Variants in TAFA1 observed in about 807,000 individuals in gnomAD.
The protein encoded by TAFA1 is chemokine-like protein TAFA-1.
A neutral mutation model predicts 18.5 loss-of-function variants in TAFA1; 4 were observed. The observed-to-expected ratio is 0.22, with a 90% CI of 0.11 to 0.49. The LOEUF (loss-of-function observed/expected upper bound fraction) is 0.49. Ranked by LOEUF, TAFA1 falls within the 20% of genes least tolerant of loss-of-function variation. The pLI is 0.98. For synonymous variants in TAFA1, 56 were observed against 55.2 expected (o/e 1.01, Z -0.06); for missense variants, 147 against 169.0 (o/e 0.87, Z 0.72).
intron 2 of TAFA1, among the ~76,000 whole-genome samples, chr3:68,193,020 A>G (rs534223549): frequency 2.0e-5 from 3 of 151,920 alleles, no homozygotes; most frequent in East Asian, 3.9e-4. Context: ...ATGGACAGAT[A>G]TGGTAGTCTC....
At chr3:68,228,938 G>A (rs960010770) in intron 2 of TAFA1, among the ~76,000 whole-genome samples, 1 of 152,182 alleles carries the variant, frequency 6.6e-6, no homozygotes, top group African/African-American at 2.4e-5. Context: ...GACACTGGGG[G>A]AGGGATTTAA....
chr3:68,030,418 C>T (rs1704907850), intron 2 of TAFA1, among the ~76,000 whole-genome samples: 2 of 152,098 alleles, frequency 1.3e-5, no homozygotes, highest in Non-Finnish European at 2.9e-5. Context: ...TCCCCTAACC[C>T]CCCACCAGCC....
chr3:68,094,572 C>A (rs149151720), intron 2 of TAFA1, among the ~76,000 whole-genome samples: 1 of 152,184 alleles, frequency 6.6e-6, no homozygotes, highest in East Asian at 1.9e-4. Context: ...CTGAAGAATG[C>A]TTAGAAAGTA....
At chr3:68,319,875 T>G (rs2068670462) in intron 2 of TAFA1, among the ~76,000 whole-genome samples, 1 of 152,226 alleles carries the variant, frequency 6.6e-6, no homozygotes, top group Non-Finnish European at 1.5e-5. Flanking sequence ...GCTATTTAAA[T>G]TCTTCATTAT....
intron 2 of TAFA1, among the ~76,000 whole-genome samples, chr3:68,264,547 C>T (rs971706): frequency 2.6e-5 from 4 of 151,930 alleles, no homozygotes; most frequent in Admixed American, 6.6e-5. Context: ...AGGTAGTGAC[C>T]GCAAGAACAC....
intron 3 of TAFA1, among the ~76,000 whole-genome samples, chr3:68,478,916 GTA>G (rs71112646): frequency 6.1e-5 from 9 of 146,682 alleles, no homozygotes; most frequent in Admixed American, 6.9e-5. Flanking sequence ...GTATATGTGT[GTA>G]TATATATATA....
intron 2 of TAFA1, among the ~76,000 whole-genome samples, chr3:68,051,559 A>G (rs984672780): frequency 2.6e-5 from 4 of 152,120 alleles, no homozygotes; most frequent in African/African-American, 9.7e-5. Context: ...AATACAGGAC[A>G]GTTCTGTACA....
chr3:68,473,401 A>G (rs932071250), intron 3 of TAFA1, among the ~76,000 whole-genome samples: 2 of 152,220 alleles, frequency 1.3e-5, no homozygotes, highest in African/African-American at 4.8e-5. Context: ...TAGAAAATGA[A>G]GAATATTTTG....
intron 2 of TAFA1, among the ~76,000 whole-genome samples, chr3:68,363,188 C>T (rs2106797988): frequency 6.6e-6 from 1 of 152,030 alleles, no homozygotes; most frequent in Non-Finnish European, 1.5e-5. Context: ...ATGCCTGGCA[C>T]ATGGTAGGTG....
At chr3:68,477,482 C>A (rs1038826774) in intron 3 of TAFA1, among the ~76,000 whole-genome samples, 4 of 152,158 alleles carry the variant, frequency 2.6e-5, no homozygotes, top group Admixed American at 6.5e-5. Flanking sequence ...TTAAGTGATT[C>A]TCTTGCCTCA....
chr3:68,103,347 G>C (rs1218298625), intron 2 of TAFA1, among the ~76,000 whole-genome samples: 2 of 152,184 alleles, frequency 1.3e-5, no homozygotes, highest in Admixed American at 1.3e-4. Context: ...GGTAATTGTG[G>C]TTAAAGGTTT....
At chr3:68,081,719 T>C (rs1396543064) in intron 2 of TAFA1, among the ~76,000 whole-genome samples, 1 of 152,188 alleles carries the variant, frequency 6.6e-6, no homozygotes, top group African/African-American at 2.4e-5. Flanking sequence ...TCGTCAAAGC[T>C]GTCAGACAGG....
chr3:68,297,797 C>T (rs559386528), intron 2 of TAFA1, among the ~76,000 whole-genome samples: 16 of 151,022 alleles, frequency 1.1e-4, no homozygotes, highest in African/African-American at 3.7e-4. Flanking sequence ...TGTTCATATT[C>T]CTTCTTTTGC....
At chr3:68,100,018 G>C (rs1445063757) in intron 2 of TAFA1, among the ~76,000 whole-genome samples, 1 of 152,034 alleles carries the variant, frequency 6.6e-6, no homozygotes, top group Non-Finnish European at 1.5e-5. Flanking sequence ...GAGGGAGAGG[G>C]ACAAGAGCTG....
chr3:68,497,417 T>G (rs2106696437), intron 3 of TAFA1, among the ~76,000 whole-genome samples: 1 of 152,254 alleles, frequency 6.6e-6, no homozygotes, highest in Middle Eastern at 3.4e-3. Context: ...CTGTGCACAT[T>G]ACAATAATCT....
intron 3 of TAFA1, among the ~76,000 whole-genome samples, chr3:68,437,166 C>G (rs2071280137): frequency 6.6e-6 from 1 of 152,130 alleles, no homozygotes; most frequent in Non-Finnish European, 1.5e-5. Flanking sequence ...GCAAGTTTGG[C>G]TGTAAGCCTT....
chr3:68,016,690 T>G (rs1286548529), intron 2 of TAFA1, among the ~76,000 whole-genome samples: 2 of 152,182 alleles, frequency 1.3e-5, no homozygotes, highest in Non-Finnish European at 1.5e-5. Flanking sequence ...ATATCCCTGT[T>G]GTTAAGCGAT....
At chr3:68,123,212 A>G (rs900285776) in intron 2 of TAFA1, among the ~76,000 whole-genome samples, 1 of 152,102 alleles carries the variant, frequency 6.6e-6, no homozygotes, top group Non-Finnish European at 1.5e-5. Flanking sequence ...AGAAGAGTGG[A>G]GGAAAGTAGA....
At chr3:68,287,758 C>T (rs1368430977) in intron 2 of TAFA1, among the ~76,000 whole-genome samples, 1 of 152,074 alleles carries the variant, frequency 6.6e-6, no homozygotes, top group African/African-American at 2.4e-5. Context: ...CCAATTAGGG[C>T]TATTTATCCT....
Sources: allele counts gnomAD v4.1 joint callset (sites outside exome capture counted in the v4.1 genomes callset), GRCh38; gene constraint gnomAD v4.1.1; transcripts MANE v1.5; gene names NCBI Gene and HGNC (gene_info 2026-07-23, HGNC 2026-07-21).